The following C10orf90 variants were observed in gnomAD, a reference collection of about 807,000 sequenced individuals.
The protein encoded by C10orf90 is (E2-independent) E3 ubiquitin-conjugating enzyme FATS.
A neutral mutation model predicts 62.5 loss-of-function variants in C10orf90; 56 were observed. That is an observed-to-expected ratio of 0.90 (90% CI 0.72 to 1.12). The LOEUF (loss-of-function observed/expected upper bound fraction) is 1.12. C10orf90 is among the 50% of genes most tolerant of loss of function. The pLI is 0.00. For missense variants in C10orf90, 970 were observed against 880.4 expected, an observed-to-expected ratio of 1.10 and a Z score of -1.29; for synonymous variants, 386 against 340.4, an observed-to-expected ratio of 1.13 and a Z score of -1.47.
intron 2 of C10orf90, among the ~76,000 whole-genome samples, chr10:126,603,650 A>G (rs1411885007): frequency 6.6e-6 from 1 of 152,066 alleles, no homozygotes; most frequent in Non-Finnish European, 1.5e-5. Flanking sequence ...GGGCCCTAAG[A>G]GTTGTGCCTG....
At chr10:126,480,086 T>C (rs1861092530) in intron 4 of C10orf90, among the ~76,000 whole-genome samples, 1 of 152,246 alleles carries the variant, frequency 6.6e-6, no homozygotes, top group Non-Finnish European at 1.5e-5. Flanking sequence ...AAAATTTTAC[T>C]GGGAAGAATA....
intron 2 of C10orf90, among the ~76,000 whole-genome samples, chr10:126,631,254 T>C (rs188182506): frequency 1.9e-3 from 287 of 152,310 alleles, no homozygotes; most frequent in African/African-American, 5.4e-3. Context: ...TCCTCCTTTC[T>C]AGCTCTCCAA....
Position 126,506,503 on chromosome 10 carries a change from T to C in C10orf90, c.406-1418A>G, listed in dbSNP as rs1474675740. On this transcript the variant is annotated intron_variant, in intron 3 of 9. Transcript: ENST00000488181. ...TTGGGGGCCTGAGGGCATAACTGGA[T>C]GCCCAACAATTGCCACAGCAGCTCC... is the stretch of plus-strand genomic sequence containing the variant. Among the ~76,000 whole-genome samples the C allele has an allele frequency of 2.0e-5, 3 of 152,246 alleles. No individual in the cohort carries two copies. The East Asian group carries it at 5.8e-4, about 29-fold the overall frequency.
chr10:126,469,064 G>T (rs2133757847), intron 4 of C10orf90, among the ~76,000 whole-genome samples: 1 of 152,220 alleles, frequency 6.6e-6, no homozygotes, highest in African/African-American at 2.4e-5. Context: ...AAGCATGAGT[G>T]GTTGCTAAGG....
chr10:126,537,194 C>T (rs1397960410), intron 2 of C10orf90, among the ~76,000 whole-genome samples: 1 of 152,112 alleles, frequency 6.6e-6, no homozygotes, highest in Non-Finnish European at 1.5e-5. Context: ...CCAGAAGCAA[C>T]AAAGGAAATG....
In C10orf90 at chr10:126,479,496, C is replaced by T. The variant is rs113336264; in HGVS notation, c.1535-14510G>A. Among the ~76,000 whole-genome samples the T allele has an allele frequency of 1.3e-3, 200 of 152,244 alleles. 1 individual carries two copies. The highest frequency in any genetic ancestry group is 4.3e-3 in the African/African-American group (178 of 41,546). On this transcript the variant is annotated intron_variant, in intron 4 of 9. Coordinates refer to ENST00000488181, the MANE Select transcript of C10orf90 (RefSeq NM_001350921.2). ...CTGGGCCAGAGAAGGTGCTCCTGGGCGCTGAGCTCCTGCGAGGCCCTGATT... is the reference window on the plus strand; with the variant it reads ...CTGGGCCAGAGAAGGTGCTCCTGGGTGCTGAGCTCCTGCGAGGCCCTGATT...
At chr10:126,593,150 C>A (rs189687780) in intron 2 of C10orf90, among the ~76,000 whole-genome samples, 54 of 152,236 alleles carry the variant, frequency 3.5e-4, no homozygotes, top group African/African-American at 1.0e-3. Context: ...GATCTAGAAG[C>A]GGAAATGCCA....
chr10:126,602,963 A>G (rs1466840615), intron 2 of C10orf90, among the ~76,000 whole-genome samples: 1 of 151,756 alleles, frequency 6.6e-6, no homozygotes, highest in African/African-American at 2.4e-5. Context: ...AGAGTTGGGG[A>G]GAAGGGAGAG....
At chr10:126,562,561 G>T (rs1864926862) in intron 2 of C10orf90, among the ~76,000 whole-genome samples, 1 of 152,192 alleles carries the variant, frequency 6.6e-6, no homozygotes, top group Non-Finnish European at 1.5e-5. Context: ...TATGCAGATT[G>T]TCCCACCTGT....
chr10:126,618,081 A>C (rs181942207), intron 2 of C10orf90, among the ~76,000 whole-genome samples: 68 of 152,288 alleles, frequency 4.5e-4, no homozygotes, highest in African/African-American at 1.5e-3. Context: ...CTCCCTCACC[A>C]TGAGGCTCAG....
intron 1 of C10orf90, among the ~76,000 whole-genome samples, chr10:126,657,742 A>G (rs1468073246): frequency 6.6e-6 from 1 of 151,286 alleles, no homozygotes; most frequent in Non-Finnish European, 1.5e-5. Flanking sequence ...CAGCCTCCCG[A>G]GTAGCTGGGA....
intron 2 of C10orf90, among the ~76,000 whole-genome samples, chr10:126,537,302 C>T (rs752148335): frequency 5.3e-5 from 8 of 152,208 alleles, no homozygotes; most frequent in Non-Finnish European, 7.3e-5. Flanking sequence ...ATCCTCAGTT[C>T]TCTAAATGTA....
chr10:126,668,661 G>C (rs188400136), intron 1 of C10orf90, among the ~76,000 whole-genome samples: 140 of 152,310 alleles, frequency 9.2e-4, no homozygotes, highest in Middle Eastern at 3.4e-3. Flanking sequence ...GCCCGCCCTA[G>C]AGCTGAGGAG....
intron 1 of C10orf90, among the ~76,000 whole-genome samples, chr10:126,648,566 G>A (rs1039073589): frequency 1.3e-5 from 2 of 152,192 alleles, no homozygotes; most frequent in South Asian, 2.1e-4. Context: ...TAGCGTAGAC[G>A]CGCCATGGGA....
chr10:126,653,508 G>A (rs1846331949), intron 1 of C10orf90, among the ~76,000 whole-genome samples: 1 of 152,204 alleles, frequency 6.6e-6, no homozygotes, highest in Non-Finnish European at 1.5e-5. Flanking sequence ...TGAGATTACA[G>A]CAATTCAGTC....
At chr10:126,477,313 G>GA (rs72254071) in intron 4 of C10orf90, among the ~76,000 whole-genome samples, 1,765 of 140,588 alleles carry the variant, frequency 0.013, 31 homozygotes, top group African/African-American at 0.037. Context: ...TAAAGAACAT[G>GA]AAAAAAAAAA....
intron 2 of C10orf90, among the ~76,000 whole-genome samples, chr10:126,601,176 C>T (rs530735808): frequency 6.6e-6 from 1 of 152,116 alleles, no homozygotes; most frequent in Admixed American, 6.5e-5. Context: ...ACAGAAAGCC[C>T]CCGGGTCACC....
intron 1 of C10orf90, among the ~76,000 whole-genome samples, chr10:126,663,119 G>C (rs372698502): frequency 6.6e-6 from 1 of 152,316 alleles, no homozygotes; most frequent in East Asian, 1.9e-4. Flanking sequence ...CAAAAACAGA[G>C]GGTGGTAAGA....
intron 7 of C10orf90, among the ~76,000 whole-genome samples, chr10:126,448,623 TAAAC>T (rs1858958200): frequency 6.6e-6 from 1 of 151,744 alleles, no homozygotes; most frequent in South Asian, 2.1e-4. Context: ...TTTGAAAAGA[TAAAC>T]AAAATTGACA....
Sources: gnomAD v4.1 joint callset for allele counts (sites outside exome capture counted in the v4.1 genomes callset) on GRCh38, gnomAD v4.1.1 for gene constraint, MANE v1.5 for transcripts, NCBI Gene and HGNC (gene_info 2026-07-23, HGNC 2026-07-21) for gene names.